The following RNPS1 variants were observed in gnomAD, a reference collection of about 807,000 sequenced individuals.
RNPS1 encodes RNA binding protein with serine rich domain 1, also known as RNA-binding protein with serine-rich domain 1.
For missense variants in RNPS1, 300 were observed against 427.6 expected, an observed-to-expected ratio of 0.70 and a Z score of 2.63; for synonymous variants, 147 against 150.0, an observed-to-expected ratio of 0.98 and a Z score of 0.15.
At position 2,255,696 on chromosome 16, in the gene RNPS1, G is replaced by A; in HGVS notation, c.707C>T (p.Thr236Ile). ...CCTAGGCCAGGGGGCCAGCACGGCG[G>A]TGGCAGTGATCTCCTGGCCATCAAT... ...GQIDGQEITA[T>I]AVLAPWPRPP... Residue 236 changes from threonine to isoleucine, a missense_variant, in exon 7 of 8, where the codon ACC becomes ATC. Transcript: ENST00000320225. The A allele has an allele frequency of 1.2e-6, 2 of 1,613,880 alleles. No homozygotes were observed. Among genetic ancestry groups the A allele is most frequent in the Non-Finnish European group, 1.7e-6 (2 of 1,180,010 alleles).
intron 7 of RNPS1, among the ~76,000 whole-genome samples, chr16:2,254,276 C>G (rs2093566562): frequency 6.6e-6 from 1 of 152,224 alleles, no homozygotes; most frequent in African/African-American, 2.4e-5. Context: ...ACTGGGACTA[C>G]AGGCGCGCGC....
chr16:2,255,812 G>C, intron 6 of RNPS1, 86 bp from the exon 7 acceptor site: 1 of 1,394,858 alleles, frequency 7.2e-7, no homozygotes, highest in South Asian at 1.2e-5. Flanking sequence ...AGGCCTGGGG[G>C]GACAATGACA....
intron 1 of RNPS1, chr16:2,267,573 A>G: frequency 4.7e-6 from 5 of 1,058,922 alleles, no homozygotes; most frequent in Non-Finnish European, 5.7e-6. Context: ...GGATCGGCCG[A>G]CCTTCCACCG....
chr16:2,262,872 A>G (rs748535016), intron 4 of RNPS1, 30 bp from the exon 5 acceptor site: 1 of 1,585,780 alleles, frequency 6.3e-7, no homozygotes, highest in Non-Finnish European at 8.6e-7. Context: ...ACCAGAAACA[A>G]TTTCTGTCAA....
At position 2,255,566 on chromosome 16, in the gene RNPS1, G is replaced by A. The variant is rs2141536587; in HGVS notation, c.818+19C>T. On this transcript the variant is annotated intron_variant, in intron 7 of 7. Transcript: ENST00000320225. The stretch of plus-strand genomic sequence containing the variant: ...AGGTTTGTGGCCTGATCAGTCCACT[G>A]AAACTACAAATTGTTTACCTTCTCC... The A allele has an allele frequency of 6.4e-7, 1 of 1,558,614 alleles. No individual in the cohort carries two copies. Among genetic ancestry groups the A allele is most frequent in the Non-Finnish European group, 8.6e-7 (1 of 1,156,348 alleles).
In RNPS1 at chr16:2,268,064, C is replaced by G. The variant is rs1211498699; in HGVS notation, c.-127G>C. ...TTCCGCCCCAACTTACATCTTCCCG[C>G]CGCCGCCACCTCCTCCTGCTTTCCT... On this transcript the variant is annotated 5_prime_UTR_variant, in exon 1 of 8. Transcript: ENST00000320225. 6.5e-7 allele frequency: 1 copy of G among 1,535,102 alleles called. No individual in the cohort carries two copies. The highest frequency in any genetic ancestry group is 8.7e-7 in the Non-Finnish European group (1 of 1,146,666).
rs910946361 is a variant in RNPS1 at position 2,254,073 on chromosome 16, G to A, written c.819-10C>T. The A allele has an allele frequency of 3.4e-6, 5 of 1,470,806 alleles. No individual in the cohort carries two copies. The African/African-American group carries it at 5.7e-5, about 17-fold the overall frequency. 91.1% of individuals were successfully genotyped at this position (1,470,806 alleles called of 1,614,324 possible). On this transcript the variant is annotated splice_polypyrimidine_tract_variant and intron_variant, in intron 7 of 7. Coordinates refer to ENST00000320225, the MANE Select transcript of RNPS1 (RefSeq NM_080594.4). ...CCTCGGGGAGCGGGACCTGCGGGAA[G>A]AGGAGAAACCACATCAGAGTAGCTC...
chr16:2,266,009 A>T, intron 1 of RNPS1: 1 of 634,652 alleles, frequency 1.6e-6, no homozygotes, highest in Non-Finnish European at 2.0e-6. Context: ...CCTATTTTCC[A>T]GGGACTTCTG....
At chr16:2,255,353 G>A (rs2093573203) in intron 7 of RNPS1, among the ~76,000 whole-genome samples, 1 of 152,196 alleles carries the variant, frequency 6.6e-6, no homozygotes, top group Admixed American at 6.5e-5. Flanking sequence ...GCCACACCAC[G>A]CCACTGCCCA....
chr16:2,263,689 T>G (rs977686978), intron 3 of RNPS1, among the ~76,000 whole-genome samples: 1 of 152,094 alleles, frequency 6.6e-6, no homozygotes, highest in African/African-American at 2.4e-5. Flanking sequence ...CTCCGCACAC[T>G]GCAGCTTCAA....
At chr16:2,266,938 G>A (rs1247973255) in intron 1 of RNPS1, 3 of 207,674 alleles carry the variant, frequency 1.4e-5, no homozygotes, top group Non-Finnish European at 2.5e-5. Context: ...CACATGCTTA[G>A]CAGCCACATG....
chr16:2,267,686 C>T lies in RNPS1; in HGVS notation c.-118+369G>A, dbSNP rs1287752576. ...ACAACTCCCCCGTCCAGGCGCCGGG[C>T]CGCGAGCGCTTCCAGGGCAGGGCCT... On this transcript the variant is annotated intron_variant, in intron 1 of 7. Coordinates refer to ENST00000320225, the MANE Select transcript of RNPS1 (RefSeq NM_080594.4). 18 of 1,166,102 alleles carry T rather than the reference C, an allele frequency of 1.5e-5. No homozygotes were observed. The East Asian group carries it at 6.7e-4, about 44-fold the overall frequency. The allele number at this position is 1,166,102 out of a possible 1,614,324, so 72.2% of individuals were successfully genotyped here.
rs2093562551 is a variant in RNPS1, at chr16:2,253,747, G to C, written c.*217C>G. The C allele has an allele frequency of 1.5e-6, 1 of 665,838 alleles. No homozygotes were observed. The highest frequency in any genetic ancestry group is 2.3e-5 in the Admixed American group (1 of 43,144). The allele number at this position is 665,838 out of a possible 1,614,324, so 41.2% of individuals were successfully genotyped here. On this transcript the variant is annotated 3_prime_UTR_variant, in exon 8 of 8. Coordinates refer to ENST00000320225, the MANE Select transcript of RNPS1 (RefSeq NM_080594.4). ...AAACCGGAAACGGATGAGCTTTCTA[G>C]CCAGAAAACCGGAGGGAATCTTGAC...
At chr16:2,256,935 T>C (rs1427759233) in intron 6 of RNPS1, 1 of 152,026 alleles carries the variant, frequency 6.6e-6, no homozygotes, top group Non-Finnish European at 1.5e-5. Flanking sequence ...TGGTGATGGA[T>C]GGGATGGGGG....
intron 1 of RNPS1, chr16:2,267,142 G>A (rs55691960): frequency 8.2e-6 from 8 of 970,396 alleles, no homozygotes; most frequent in Non-Finnish European, 8.6e-6. Flanking sequence ...GCGGTCGAGT[G>A]CTAGAAAGCA....
intron 1 of RNPS1, chr16:2,267,121 C>G (rs1445375517): frequency 3.3e-6 from 3 of 900,558 alleles, no homozygotes; most frequent in African/African-American, 1.8e-5. Context: ...TAAGCGGACG[C>G]CTTGCTGGGT....
Position 2,266,623 on chromosome 16 carries a change from G to A in RNPS1, c.-118+1432C>T, listed in dbSNP as rs150225824. 1.5e-3 allele frequency: 1,476 copies of A among 985,372 alleles called. 1 individual carries two copies. Among genetic ancestry groups the A allele is most frequent in the Non-Finnish European group, 1.7e-3 (1,430 of 829,936 alleles). 61.0% of individuals were successfully genotyped at this position (985,372 alleles called of 1,614,324 possible). A position where few individuals can be genotyped will look rare whatever the true frequency, so the allele number is the denominator to read the frequency against. On this transcript the variant is annotated intron_variant, in intron 1 of 7. Coordinates refer to ENST00000320225, the MANE Select transcript of RNPS1 (RefSeq NM_080594.4). ...ACGTCCGGAGGCTCCTTCCCCCACAGACACTTGTCTCCAAAGTTACACTAA... is the reference window on the plus strand; with the variant it reads ...ACGTCCGGAGGCTCCTTCCCCCACAAACACTTGTCTCCAAAGTTACACTAA...
At chr16:2,264,497 C>A (rs775423734) in intron 2 of RNPS1, 76 bp downstream of exon 2, 385 of 1,549,478 alleles carry the variant, frequency 2.5e-4, no homozygotes, top group Non-Finnish European at 3.1e-4. Flanking sequence ...AGAACATTCT[C>A]AACTTTCCCC....
At chr16:2,266,186 G>A (rs533467841) in intron 1 of RNPS1, 289 of 985,408 alleles carry the variant, frequency 2.9e-4, no homozygotes, top group Non-Finnish European at 3.4e-4. Context: ...TGCACGCCAG[G>A]GGTGCTTCAA....
Sources: allele counts gnomAD v4.1 joint callset (sites outside exome capture counted in the v4.1 genomes callset), GRCh38; gene constraint gnomAD v4.1.1; transcripts MANE v1.5; gene names NCBI Gene and HGNC (gene_info 2026-07-23, HGNC 2026-07-21).